EPHA3: variants seen among roughly 807,000 people sequenced by gnomAD.
EPHA3 encodes the protein ephrin type-A receptor 3.
Under a neutral mutation model 107.1 loss-of-function variants are expected in EPHA3, and 42 were observed. The observed-to-expected ratio is 0.39, with a 90% CI of 0.31 to 0.51. The LOEUF (loss-of-function observed/expected upper bound fraction) is 0.51, where lower values mean the gene tolerates loss of function less well. EPHA3 is among the 20% of genes least tolerant of loss of function. The pLI, the probability that EPHA3 is intolerant of heterozygous loss-of-function variation, is 0.78. For missense variants in EPHA3, 1,183 were observed against 1,211.2 expected (o/e 0.98, Z 0.35); for synonymous variants, 461 against 424.8 (o/e 1.09, Z -1.05).
chr3:89,322,486 A>C (rs1285731020), intron 3 of EPHA3, among the ~76,000 whole-genome samples: 2 of 152,110 alleles, frequency 1.3e-5, no homozygotes, highest in Non-Finnish European at 2.9e-5. Flanking sequence ...GAGAAAAAAG[A>C]CTGGGAAAAC....
chr3:89,201,979 C>G (rs796474136), intron 2 of EPHA3, among the ~76,000 whole-genome samples: 1 of 152,136 alleles, frequency 6.6e-6, no homozygotes, highest in Non-Finnish European at 1.5e-5. Context: ...ATTTGCTAAG[C>G]CTGCTGACAC....
At chr3:89,428,876 G>A (rs1709506867) in intron 11 of EPHA3, among the ~76,000 whole-genome samples, 1 of 152,064 alleles carries the variant, frequency 6.6e-6, no homozygotes, top group African/African-American at 2.4e-5. Context: ...CAATTTAGAT[G>A]CTATTGGTCA....
intron 5 of EPHA3, among the ~76,000 whole-genome samples, chr3:89,388,149 C>T (rs371621104): frequency 1.3e-5 from 2 of 152,008 alleles, no homozygotes; most frequent in African/African-American, 4.8e-5. Flanking sequence ...ATTTTCATTG[C>T]CATTTTGATT....
Position 89,341,801 on chromosome 3 carries a change from C to T in EPHA3, c.1017C>T (p.Thr339=). Reference sequence around the variant, plus strand: ...ATGTTATCTCTAATATAAACGAGACCTCAGTTATCCTGGACTGGAGTTGGC... The same window carrying T: ...ATGTTATCTCTAATATAAACGAGACTTCAGTTATCCTGGACTGGAGTTGGC... ...PRNVISNINE[T]SVILDWSWPL... Residue 339 remains threonine, a synonymous_variant, in exon 5 of 17, where the codon ACC becomes ACT. Coordinates refer to ENST00000336596, the MANE Select transcript of EPHA3 (RefSeq NM_005233.6). 7 of 1,613,826 alleles carry T rather than the reference C, an allele frequency of 4.3e-6. No homozygotes were observed. Among genetic ancestry groups the T allele is most frequent in the Non-Finnish European group, 5.1e-6 (6 of 1,179,970 alleles).
In EPHA3 at chr3:89,199,761, A is replaced by G. The variant is rs377416282; in HGVS notation, c.154-10099A>G. 5.5e-4 allele frequency among the ~76,000 whole-genome samples: 83 copies of G among 152,180 alleles called. 2 individuals are homozygous for G. In the South Asian group the frequency reaches 0.017, roughly 31 times the overall value. ...TCTTCTTTTTTCCTGTAAGTCTGTC[A>G]TTGGTCTTATAGTTACTCAGTTAAG... On this transcript the variant is annotated intron_variant, in intron 2 of 16. Coordinates refer to ENST00000336596, the MANE Select transcript of EPHA3 (RefSeq NM_005233.6).
chr3:89,443,369 T>A (rs978323885), intron 13 of EPHA3, among the ~76,000 whole-genome samples: 1 of 152,198 alleles, frequency 6.6e-6, no homozygotes, highest in Non-Finnish European at 1.5e-5. Flanking sequence ...GTGAATCTTA[T>A]ACTAACTATC....
chr3:89,346,463 T>C (rs1192378316), intron 5 of EPHA3, among the ~76,000 whole-genome samples: 2 of 147,218 alleles, frequency 1.4e-5, no homozygotes, highest in Non-Finnish European at 3.0e-5. Flanking sequence ...TTTGATGGGG[T>C]TGTTTGTTTT....
chr3:89,202,301 C>G (rs1418523504), intron 2 of EPHA3, among the ~76,000 whole-genome samples: 2 of 151,502 alleles, frequency 1.3e-5, no homozygotes, highest in Non-Finnish European at 2.9e-5. Flanking sequence ...TAGAGACCAG[C>G]CTGGCCAACA....
In EPHA3 at chr3:89,405,477, A is replaced by G. The variant is rs557591874; in HGVS notation, c.1595-1792A>G. ...ATAAACAATAGTTTGCTGGTAGTAA[A>G]GAGTAAAGGGCTTACAACAGTTTAT... On this transcript the variant is annotated intron_variant, in intron 7 of 16. Transcript: ENST00000336596. 1.4e-4 allele frequency among the ~76,000 whole-genome samples: 21 copies of G among 152,340 alleles called. No homozygotes were observed. In the East Asian group the frequency reaches 4.1e-3, roughly 29 times the overall value.
chr3:89,277,584 T>C (rs1168972550), intron 3 of EPHA3, among the ~76,000 whole-genome samples: 1 of 152,190 alleles, frequency 6.6e-6, no homozygotes, highest in African/African-American at 2.4e-5. Flanking sequence ...TTTAAAGATA[T>C]GTCACTGGGG....
chr3:89,296,607 T>G (rs1706359116), intron 3 of EPHA3, among the ~76,000 whole-genome samples: 1 of 152,062 alleles, frequency 6.6e-6, no homozygotes, highest in Admixed American at 6.6e-5. Flanking sequence ...TTTAGCAAAA[T>G]TATTAAGGGC....
In EPHA3 at chr3:89,195,229, A is replaced by C. The variant is rs146078756; in HGVS notation, c.154-14631A>C. On this transcript the variant is annotated intron_variant, in intron 2 of 16. Transcript: ENST00000336596. ...AACTTTTGCTCCTCTTCTTTGCATA[A>C]GTTCTCACACCTGTTTTGCTGCTCT... Among the ~76,000 whole-genome samples, 10 of 152,086 alleles carry C rather than the reference A, an allele frequency of 6.6e-5. No individual in the cohort carries two copies. The East Asian group carries it at 1.9e-3, about 29-fold the overall frequency.
At chr3:89,201,489 C>G (rs1258794764) in intron 2 of EPHA3, among the ~76,000 whole-genome samples, 1 of 152,176 alleles carries the variant, frequency 6.6e-6, no homozygotes, top group African/African-American at 2.4e-5. Flanking sequence ...CTAAGGCACT[C>G]CACAAGCCAC....
chr3:89,458,882 C>T lies in EPHA3; in HGVS notation c.2690+8512C>T, dbSNP rs146560931. Among the ~76,000 whole-genome samples, 533 of 152,204 alleles carry T rather than the reference C, an allele frequency of 3.5e-3. 2 individuals carry two copies. The highest frequency in any genetic ancestry group is 0.012 in the African/African-American group (504 of 41,528). On this transcript the variant is annotated intron_variant, in intron 15 of 16. Transcript: ENST00000336596. ...AATGAGTTCATGTCCTTTGCAGGGA[C>T]GTGGATGAAGCTGGAGACCATCATT...
rs1707503410 is a variant in EPHA3, at chr3:89,340,908, G to C, written c.815-8G>C. 1 of 1,596,194 alleles carries C rather than the reference G, an allele frequency of 6.3e-7. No individual in the cohort carries two copies. The highest frequency in any genetic ancestry group is 1.4e-5 in the African/African-American group (1 of 73,882). ...CAGACTTTTAAAAGAGAGTCATTTT[G>C]TTTGTAGCTTGTCGACCAGGTTTCT... On this transcript the variant is annotated splice_polypyrimidine_tract_variant and splice_region_variant and intron_variant, in intron 3 of 16. Coordinates refer to ENST00000336596, the MANE Select transcript of EPHA3 (RefSeq NM_005233.6).
At position 89,185,309 on chromosome 3, in the gene EPHA3, G is replaced by A. The variant is rs141174060; in HGVS notation, c.154-24551G>A. On this transcript the variant is annotated intron_variant, in intron 2 of 16. Coordinates refer to ENST00000336596, the MANE Select transcript of EPHA3 (RefSeq NM_005233.6). Reference sequence around the variant, plus strand: ...AAAAAAAAAGTTTGGTGACTTTGCTGTCCCCTACATACATGTTGAACTCTC... The same window carrying A: ...AAAAAAAAAGTTTGGTGACTTTGCTATCCCCTACATACATGTTGAACTCTC... 3.6e-3 allele frequency among the ~76,000 whole-genome samples: 546 copies of A among 152,072 alleles called. 6 individuals are homozygous for A. The highest frequency in any genetic ancestry group is 0.01 in the African/African-American group (418 of 41,488).
At chr3:89,292,645 AG>A (rs1234099137) in intron 3 of EPHA3, among the ~76,000 whole-genome samples, 18 of 152,202 alleles carry the variant, frequency 1.2e-4, no homozygotes, top group Admixed American at 1.2e-3. Flanking sequence ...ATCTATAGAA[AG>A]CATTAGCATA....
chr3:89,166,718 T>C lies in EPHA3; in HGVS notation c.153+39445T>C, dbSNP rs559134907. Among the ~76,000 whole-genome samples, 8 of 152,096 alleles carry C rather than the reference T, an allele frequency of 5.3e-5. No individual in the cohort carries two copies. In the East Asian group the frequency reaches 1.4e-3, roughly 26 times the overall value. On this transcript the variant is annotated intron_variant, in intron 2 of 16. Transcript: ENST00000336596. ...AATTAGTTTCCAACACAGTGACATATCAGAAATGTCGTACTCTCAGAATAT... is the reference window on the plus strand; with the variant it reads ...AATTAGTTTCCAACACAGTGACATACCAGAAATGTCGTACTCTCAGAATAT...
chr3:89,296,870 T>C (rs2107339080), intron 3 of EPHA3, among the ~76,000 whole-genome samples: 1 of 152,320 alleles, frequency 6.6e-6, no homozygotes, highest in Admixed American at 6.5e-5. Flanking sequence ...GATAACTTGC[T>C]TCAGTTTTTC....
Sources: allele counts gnomAD v4.1 joint callset (sites outside exome capture counted in the v4.1 genomes callset), GRCh38; gene constraint gnomAD v4.1.1; transcripts MANE v1.5; gene names NCBI Gene and HGNC (gene_info 2026-07-23, HGNC 2026-07-21).